The following AKT3 variants were observed in gnomAD, a reference collection of about 807,000 sequenced individuals.
The protein encoded by AKT3 is RAC-gamma serine/threonine-protein kinase.
AKT3 carries 15 observed loss-of-function variants against 65.3 expected under a neutral mutation model. That is an observed-to-expected ratio of 0.23 (90% confidence interval 0.15 to 0.35). The LOEUF is 0.35. AKT3 is among the 10% of genes least tolerant of loss of function. The probability of loss-of-function intolerance (pLI) is 1.00; values close to 1 mark genes in which losing one functional copy is unlikely to be tolerated. For missense variants in AKT3, 243 were observed against 576.5 expected (o/e 0.42, Z 5.92); for synonymous variants, 206 against 183.8 (o/e 1.12, Z -0.98).
chr1:243,686,650 T>TATATATATATATATATATATATATATA (rs1558719596), intron 3 of AKT3, among the ~76,000 whole-genome samples: 2 of 32,458 alleles, frequency 6.2e-5, no homozygotes, highest in African/African-American at 2.0e-4. Flanking sequence ...TATATATATA[T>TATATATATATATATATATATATATATA]ATTTTTTTTT....
intron 1 of AKT3, among the ~76,000 whole-genome samples, chr1:243,844,708 A>T (rs1043663939): frequency 6.6e-6 from 1 of 152,198 alleles, no homozygotes; most frequent in African/African-American, 2.4e-5. Flanking sequence ...AATTTTTTTA[A>T]AAAGCAAAAA....
chr1:243,631,815 A>G (rs993798077), intron 6 of AKT3, among the ~76,000 whole-genome samples: 1 of 152,238 alleles, frequency 6.6e-6, no homozygotes, highest in African/African-American at 2.4e-5. Context: ...CTCAAAGAGT[A>G]GATCCTATCT....
At chr1:243,731,173 A>G (rs1273201907) in intron 2 of AKT3, among the ~76,000 whole-genome samples, 1 of 152,198 alleles carries the variant, frequency 6.6e-6, no homozygotes, top group African/African-American at 2.4e-5. Context: ...AAACTCTTAT[A>G]TGTAAGTATC....
At chr1:243,777,175 G>A (rs1485204107) in intron 2 of AKT3, among the ~76,000 whole-genome samples, 2 of 152,164 alleles carry the variant, frequency 1.3e-5, no homozygotes, top group Non-Finnish European at 2.9e-5. Context: ...GGGGAGTGAA[G>A]ATGGTTTGGG....
At chr1:243,654,093 T>A (rs1681579797) in intron 4 of AKT3, among the ~76,000 whole-genome samples, 1 of 152,160 alleles carries the variant, frequency 6.6e-6, no homozygotes, top group Admixed American at 6.5e-5. Flanking sequence ...TAATTTCTAA[T>A]TCCATTTCTC....
intron 2 of AKT3, among the ~76,000 whole-genome samples, chr1:243,802,373 A>C (rs1692432977): frequency 6.6e-6 from 1 of 152,246 alleles, no homozygotes; most frequent in South Asian, 2.1e-4. Context: ...TATAATTTAA[A>C]GTAATATTCC....
intron 10 of AKT3, among the ~76,000 whole-genome samples, chr1:243,559,574 C>T (rs1007871958): frequency 6.6e-6 from 1 of 152,124 alleles, no homozygotes; most frequent in African/African-American, 2.4e-5. Flanking sequence ...TGACATTGGA[C>T]ATTTAATAAA....
At chr1:243,580,752 TCTC>T in intron 8 of AKT3, among the ~76,000 whole-genome samples, 1 of 152,206 alleles carries the variant, frequency 6.6e-6, no homozygotes, top group South Asian at 2.1e-4. Flanking sequence ...CCCACTCTGT[TCTC>T]CTGAGATTGT....
At chr1:243,624,774 T>C (rs1487673394) in intron 6 of AKT3, 5 of 204,376 alleles carry the variant, frequency 2.4e-5, no homozygotes, top group East Asian at 2.4e-4. Flanking sequence ...CCCATTTCTG[T>C]ATGTGAATGA....
At chr1:243,703,470 A>T (rs1439416629) in intron 2 of AKT3, among the ~76,000 whole-genome samples, 1 of 152,152 alleles carries the variant, frequency 6.6e-6, no homozygotes, top group Non-Finnish European at 1.5e-5. Flanking sequence ...TGTCTTAAAA[A>T]TAATCCTGGG....
At chr1:243,605,553 C>A (rs1257030404) in intron 8 of AKT3, among the ~76,000 whole-genome samples, 1 of 152,192 alleles carries the variant, frequency 6.6e-6, no homozygotes, top group East Asian at 1.9e-4. Flanking sequence ...ATAATCACAT[C>A]ATTTAAATCA....
intron 4 of AKT3, among the ~76,000 whole-genome samples, chr1:243,661,047 G>A (rs1445185044): frequency 2.0e-5 from 3 of 152,182 alleles, no homozygotes; most frequent in African/African-American, 7.2e-5. Context: ...ACTGCTCAAA[G>A]AAATAAAAGA....
At chr1:243,792,728 C>A (rs747213064) in intron 2 of AKT3, among the ~76,000 whole-genome samples, 8 of 152,152 alleles carry the variant, frequency 5.3e-5, no homozygotes, top group Non-Finnish European at 8.8e-5. Context: ...GATCACTTAT[C>A]TCTGTAGGAA....
intron 11 of AKT3, 131 bp downstream of exon 11, chr1:243,552,598 C>A: frequency 1.2e-6 from 1 of 820,850 alleles, no homozygotes; most frequent in Non-Finnish European, 1.9e-6. Flanking sequence ...AAAAATAAGT[C>A]AGGATCTCAG....
rs572698451 is a variant in AKT3, at chr1:243,812,769, C to T, written c.46+30356G>A. Among the ~76,000 whole-genome samples, 8 of 152,078 alleles carry T rather than the reference C, an allele frequency of 5.3e-5. No individual in the cohort carries two copies. The South Asian group carries it at 1.5e-3, about 28-fold the overall frequency. ...ACAATAGCAAAGACCTGGAACCAAC[C>T]CAAATGTCCAACAATGATAGATTGG... On this transcript the variant is annotated intron_variant, in intron 2 of 13. Coordinates refer to ENST00000673466, the MANE Select transcript of AKT3 (RefSeq NM_005465.7).
chr1:243,836,924 A>G (rs1027089425), intron 2 of AKT3, among the ~76,000 whole-genome samples: 3 of 151,970 alleles, frequency 2.0e-5, no homozygotes, highest in Admixed American at 1.3e-4. Context: ...AAAAAAAAAA[A>G]AAAAGATTTC....
chr1:243,773,223 T>C (rs1458440784), intron 2 of AKT3, among the ~76,000 whole-genome samples: 2 of 148,210 alleles, frequency 1.3e-5, no homozygotes, highest in Non-Finnish European at 3.0e-5. Context: ...TATATATATA[T>C]ATAAAACAAA....
At chr1:243,518,560 G>A (rs539062386) in intron 12 of AKT3, among the ~76,000 whole-genome samples, 28 of 152,280 alleles carry the variant, frequency 1.8e-4, no homozygotes, top group South Asian at 1.7e-3. Flanking sequence ...GGGAGGTGGA[G>A]GTTGCAGTGA....
intron 13 of AKT3, among the ~76,000 whole-genome samples, chr1:243,490,688 C>A (rs1211087452): frequency 6.6e-6 from 1 of 152,260 alleles, no homozygotes; most frequent in Non-Finnish European, 1.5e-5. Flanking sequence ...GGCACACAGG[C>A]TGAGGACGTG....
Sources: gnomAD v4.1 joint callset for allele counts (sites outside exome capture counted in the v4.1 genomes callset) on GRCh38, gnomAD v4.1.1 for gene constraint, MANE v1.5 for transcripts, NCBI Gene and HGNC (gene_info 2026-07-23, HGNC 2026-07-21) for gene names.